MYO7B: variants seen among roughly 807,000 people sequenced by gnomAD.
MYO7B encodes the protein myosin VIIB.
MYO7B carries 212 observed loss-of-function variants against 259.7 expected under a neutral mutation model. That is an observed-to-expected ratio of 0.82 (90% CI 0.73 to 0.91). MYO7B has a LOEUF of 0.91. Ranked by LOEUF, MYO7B falls within the 40% of genes least tolerant of loss-of-function variation. The pLI is 0.00. For missense variants in MYO7B, 2,732 were observed against 2,813.5 expected, an observed-to-expected ratio of 0.97 and a Z score of 0.66; for synonymous variants, 1,197 against 1,166.4, an observed-to-expected ratio of 1.03 and a Z score of -0.54.
At position 127,592,796 on chromosome 2, in the gene MYO7B, G is replaced by T. The variant is rs925055801; in HGVS notation, c.1995G>T (p.Leu665=). 1.9e-6 allele frequency: 3 copies of T among 1,609,236 alleles called. No individual in the cohort carries two copies. Among genetic ancestry groups the T allele is most frequent in the Middle Eastern group, 1.6e-4 (1 of 6,074 alleles). ...CAGCGCCCGGTGTCCGCCCACAGCTGTTCGACCGGGAGCTGTGCCTGCGGC... is the reference window on the plus strand; with the variant it reads ...CAGCGCCCGGTGTCCGCCCACAGCTTTTCGACCGGGAGCTGTGCCTGCGGC... ...IKPNEYKKPL[L]FDRELCLRQL... is the part of the protein sequence containing the mutation. Residue 665 remains leucine, a splice_region_variant and synonymous_variant, in exon 17 of 48, where the codon CTG becomes CTT. Transcript: ENST00000409816.
intron 2 of MYO7B, among the ~76,000 whole-genome samples, chr2:127,562,174 T>G (rs1482930429): frequency 2.6e-5 from 4 of 152,216 alleles, no homozygotes; most frequent in Non-Finnish European, 5.9e-5. Flanking sequence ...TATGGTCATG[T>G]CAGGAATTGG....
chr2:127,587,729 T>C (rs892795577), intron 14 of MYO7B, among the ~76,000 whole-genome samples: 1 of 152,066 alleles, frequency 6.6e-6, no homozygotes, highest in African/African-American at 2.4e-5. Context: ...CCACCATGCC[T>C]GGCTAACTTT....
chr2:127,602,098 C>G (rs114768827), intron 19 of MYO7B, among the ~76,000 whole-genome samples: 2,533 of 152,056 alleles, frequency 0.017, 79 homozygotes, highest in African/African-American at 0.058. Flanking sequence ...CTTTCTATGA[C>G]TTATTTAAAA....
chr2:127,571,854 G>A (rs1678646795), intron 6 of MYO7B, among the ~76,000 whole-genome samples: 1 of 152,138 alleles, frequency 6.6e-6, no homozygotes, highest in African/African-American at 2.4e-5. Flanking sequence ...ATCTTATATT[G>A]TGTCCGAGTT....
intron 14 of MYO7B, 78 bp from the exon 15 acceptor site, chr2:127,588,314 C>G (rs113464982): frequency 1.3e-6 from 2 of 1,526,454 alleles, no homozygotes; most frequent in South Asian, 2.4e-5. Flanking sequence ...CTGTATTCCC[C>G]CACACTGCCC....
intron 5 of MYO7B, among the ~76,000 whole-genome samples, chr2:127,568,585 G>T (rs1315043686): frequency 1.3e-5 from 2 of 152,156 alleles, no homozygotes; most frequent in African/African-American, 4.8e-5. Flanking sequence ...TGGGTATTTT[G>T]ATCATAACTT....
intron 38 of MYO7B, among the ~76,000 whole-genome samples, 195 bp downstream of exon 38, chr2:127,631,948 G>C (rs901579635): frequency 1.3e-5 from 2 of 152,220 alleles, no homozygotes; most frequent in Non-Finnish European, 2.9e-5. Flanking sequence ...GAGCAGGAGA[G>C]GATGGCCCTG....
Position 127,585,483 on chromosome 2 carries a change from C to T in MYO7B, c.1690+570C>T, listed in dbSNP as rs143459881. Among the ~76,000 whole-genome samples the T allele has an allele frequency of 6.0e-4, 92 of 152,240 alleles. No homozygotes were observed. Among genetic ancestry groups the T allele is most frequent in the African/African-American group, 2.0e-3 (85 of 41,536 alleles). Reference sequence around the variant, plus strand: ...GAATGTTTATCTCGTCATCAGTTGGCGGACATTTGGGTTTTTTCCACTTTT... The same window carrying T: ...GAATGTTTATCTCGTCATCAGTTGGTGGACATTTGGGTTTTTTCCACTTTT... On this transcript the variant is annotated intron_variant, in intron 14 of 47. Transcript: ENST00000409816. The surrounding 1 kb of genome is among the most constrained non-coding windows in gnomAD (Gnocchi z 4.3).
chr2:127,536,475 G>C (rs1309182569), intron 1 of MYO7B, among the ~76,000 whole-genome samples: 3 of 149,060 alleles, frequency 2.0e-5, no homozygotes, highest in Admixed American at 6.6e-5. Flanking sequence ...GGTGGGGGGG[G>C]GGGTGGGGGA....
intron 16 of MYO7B, among the ~76,000 whole-genome samples, chr2:127,591,648 G>C (rs1457467846): frequency 2.0e-5 from 3 of 152,184 alleles, no homozygotes; most frequent in African/African-American, 7.2e-5. Context: ...ACCAGCAGTT[G>C]GCGCTGTGAC....
chr2:127,594,642 C>A (rs768018372), intron 18 of MYO7B, among the ~76,000 whole-genome samples: 6 of 152,274 alleles, frequency 3.9e-5, no homozygotes, highest in Middle Eastern at 3.4e-3. Context: ...GAGGCATGTT[C>A]CTTCAATACC....
intron 1 of MYO7B, among the ~76,000 whole-genome samples, chr2:127,544,641 C>T (rs1347115677): frequency 1.2e-4 from 17 of 140,318 alleles, no homozygotes; most frequent in East Asian, 2.1e-4. Flanking sequence ...AGTGCAGTGG[C>T]GCTATCTCGG....
Position 127,612,320 on chromosome 2 carries a change from C to G in MYO7B, c.3263C>G (p.Thr1088Arg). The G allele has an allele frequency of 9.6e-7, 1 of 1,043,694 alleles. No homozygotes were observed. The allele number at this position is 1,043,694 out of a possible 1,614,324, so 64.7% of individuals were successfully genotyped here. The change falls in exon 25 of 48, where the codon ACA (threonine) becomes AGA (arginine). Residue 1088 changes from threonine (T) to arginine (R), a missense_variant. By Grantham distance (71) the Thr-to-Arg change is moderately conservative (BLOSUM62 -1). Around this residue, in one of 3 missense-constraint regions of MYO7B, gnomAD observed 1,906 missense variants for 2,026.4 expected, o/e 0.94. Transcript: ENST00000409816. ...SMKLKRSSRI[T>R]GQVASQLNIG... ...AAGCTGAAGCGGTCCTCCCGGATCA[C>G]AGGCCAGGTGAGCCCAGAGCACAGA...
In MYO7B at chr2:127,538,124, G is replaced by C. The variant is rs375106961; in HGVS notation, c.-24+2293G>C. Among the ~76,000 whole-genome samples the C allele has an allele frequency of 4.6e-5, 7 of 152,292 alleles. No homozygotes were observed. The East Asian group carries it at 1.2e-3, about 25-fold the overall frequency. ...GGGGTGGGAAGGGATGCAGCAGGCT[G>C]TGAGGGGAGGATGGTGTGAGGATGA... On this transcript the variant is annotated intron_variant, in intron 1 of 47. Coordinates refer to ENST00000409816, the MANE Select transcript of MYO7B (RefSeq NM_001393586.1).
rs1303865053 is a variant in MYO7B at position 127,576,542 on chromosome 2, G to T, written c.736-53G>T. On this transcript the variant is annotated intron_variant, in intron 7 of 47. Coordinates refer to ENST00000409816, the MANE Select transcript of MYO7B (RefSeq NM_001393586.1). The surrounding 1 kb of genome is among the most constrained non-coding windows in gnomAD (Gnocchi z 4.9). ...GGCAGAGGCAGTCTGAGGCCCTGAG[G>T]CCTCAGGGGAATGGCTCATGAATCT... is the stretch of plus-strand genomic sequence containing the variant. 2.5e-6 allele frequency: 3 copies of T among 1,197,682 alleles called. No individual in the cohort carries two copies. The highest frequency in any genetic ancestry group is 3.6e-6 in the Non-Finnish European group (3 of 842,262). 74.2% of individuals were successfully genotyped at this position (1,197,682 alleles called of 1,614,324 possible). A position where few individuals can be genotyped will look rare whatever the true frequency, so the allele number is the denominator to read the frequency against.
chr2:127,591,693 T>C (rs1391342807), intron 16 of MYO7B, among the ~76,000 whole-genome samples: 2 of 152,300 alleles, frequency 1.3e-5, no homozygotes, highest in East Asian at 3.9e-4. Flanking sequence ...GCTGGTGGGT[T>C]TGCCACATCA....
chr2:127,559,462 G>C lies in MYO7B; in HGVS notation c.-23-238G>C, dbSNP rs1677975475. On this transcript the variant is annotated intron_variant, in intron 1 of 47. Coordinates refer to ENST00000409816, the MANE Select transcript of MYO7B (RefSeq NM_001393586.1). This position sits in a 1 kb window ranked among gnomAD's most constrained non-coding sequence, Gnocchi z 4.1. ...CCACCTACTCCCTGTATCAAGCCCA[G>C]GACTGGGTATGAAATACGTCTTCAA... Among the ~76,000 whole-genome samples, 1 of 152,192 alleles carries C rather than the reference G, an allele frequency of 6.6e-6. No individual in the cohort carries two copies. Among genetic ancestry groups the C allele is most frequent in the South Asian group, 2.1e-4 (1 of 4,828 alleles).
Position 127,615,980 on chromosome 2 carries a change from AAC to A in MYO7B, c.3398+3381_3398+3382del, listed in dbSNP as rs1359988029. On this transcript the variant is annotated intron_variant, in intron 26 of 47. Transcript: ENST00000409816. The surrounding 1 kb of genome is among the most constrained non-coding windows in gnomAD (Gnocchi z 4.4). ...ACATGGTTTGTTCATTTCCTGTGAA[AAC>A]ACAAGCATACCCTCGTTCCCACAAT... Among the ~76,000 whole-genome samples, 1 of 152,148 alleles carries A rather than the reference AAC, an allele frequency of 6.6e-6. No homozygotes were observed. Among genetic ancestry groups the A allele is most frequent in the Non-Finnish European group, 1.5e-5 (1 of 68,034 alleles).
chr2:127,634,561 G>A (rs1172514768), intron 41 of MYO7B, 35 bp from the exon 42 acceptor site: 3 of 1,578,992 alleles, frequency 1.9e-6, no homozygotes, highest in Admixed American at 3.5e-5. Context: ...GTCCCCGGAA[G>A]CCACCCAACT....
Sources: allele counts gnomAD v4.1 joint callset (sites outside exome capture counted in the v4.1 genomes callset), GRCh38; gene constraint gnomAD v4.1.1; regional missense constraint gnomAD v4.1.1; non-coding constraint Gnocchi (gnomAD v3.1); transcripts MANE v1.5; gene names NCBI Gene and HGNC (gene_info 2026-07-23, HGNC 2026-07-21).